The following PCCA variants were observed in gnomAD, a reference collection of about 807,000 sequenced individuals.
The protein encoded by PCCA is propionyl-CoA carboxylase subunit alpha.
In PCCA, 74 loss-of-function variants were observed where a neutral mutation model predicts 101.3. The ratio of observed to expected loss-of-function variants is 0.73; its 90% CI spans 0.61 to 0.89. PCCA has a LOEUF of 0.89. Ranked by LOEUF, PCCA falls within the 40% of genes least tolerant of loss-of-function variation. The probability of loss-of-function intolerance (pLI) is 0.00; values close to 1 mark genes in which losing one functional copy is unlikely to be tolerated. For missense variants in PCCA, 891 were observed against 907.0 expected (o/e 0.98, Z 0.23); for synonymous variants, 294 against 313.6 (o/e 0.94, Z 0.66).
chr13:100,275,233 G>A (rs1279969056), intron 12 of PCCA, among the ~76,000 whole-genome samples: 1 of 152,094 alleles, frequency 6.6e-6, no homozygotes, highest in Non-Finnish European at 1.5e-5. Context: ...GTGTCTTCAT[G>A]CCTGTGCCTC....
intron 1 of PCCA, among the ~76,000 whole-genome samples, chr13:100,098,315 C>A (rs1224126868): frequency 6.6e-6 from 1 of 152,152 alleles, no homozygotes; most frequent in East Asian, 1.9e-4. Context: ...CTAATGAGGT[C>A]TTTTACATTT....
At chr13:100,258,569 C>T (rs980350433) in intron 9 of PCCA, among the ~76,000 whole-genome samples, 5 of 152,144 alleles carry the variant, frequency 3.3e-5, no homozygotes, top group South Asian at 2.1e-4. Context: ...TTTCATTATT[C>T]ATCTTAGGAT....
At position 100,302,990 on chromosome 13, in the gene PCCA, C is replaced by G. The variant is rs372232585; in HGVS notation, c.1276C>G (p.Leu426Val). Reference sequence around the variant, plus strand: ...GTCTCAGTACCAAGAACCGTTACATCTACCTGGTGTAAGTCATTAAGCTGT... The same window carrying G: ...GTCTCAGTACCAAGAACCGTTACATGTACCTGGTGTAAGTCATTAAGCTGT... ...RLSQYQEPLH[L>V]PGVRVDSGIQ... The change falls in exon 14 of 24, where the codon CTA becomes GTA. Residue 426 changes from leucine (L) to valine (V), a missense_variant. Coordinates refer to ENST00000376285, the MANE Select transcript of PCCA (RefSeq NM_000282.4). 2 of 1,577,934 alleles carry G rather than the reference C, an allele frequency of 1.3e-6. No individual in the cohort carries two copies. The highest frequency in any genetic ancestry group is 1.7e-6 in the Non-Finnish European group (2 of 1,147,250).
chr13:100,357,190 G>C (rs2074042713), intron 18 of PCCA, among the ~76,000 whole-genome samples: 1 of 152,142 alleles, frequency 6.6e-6, no homozygotes, highest in Non-Finnish European at 1.5e-5. Context: ...TTAAATGTAT[G>C]ATATGTGAAT....
chr13:100,316,840 C>T (rs1036064854), intron 16 of PCCA, among the ~76,000 whole-genome samples: 1 of 151,580 alleles, frequency 6.6e-6, no homozygotes, highest in African/African-American at 2.4e-5. Flanking sequence ...GTGGCATGAT[C>T]TCGGCTCATT....
chr13:100,465,975 G>A (rs1343512340), intron 21 of PCCA, among the ~76,000 whole-genome samples: 5 of 152,244 alleles, frequency 3.3e-5, no homozygotes, highest in Non-Finnish European at 7.3e-5. Flanking sequence ...ATTGGATCAT[G>A]AACCAGGTCT....
intron 6 of PCCA, chr13:100,198,153 T>C (rs978142638): frequency 5.9e-5 from 9 of 152,248 alleles, no homozygotes; most frequent in African/African-American, 1.9e-4. Context: ...CTCTATTCAT[T>C]TGCTTCTCAT....
chr13:100,524,634 G>C (rs909425460), intron 22 of PCCA, among the ~76,000 whole-genome samples: 1 of 152,186 alleles, frequency 6.6e-6, no homozygotes, highest in Non-Finnish European at 1.5e-5. Flanking sequence ...CACTTTGGGA[G>C]GCCAAGGTGG....
chr13:100,416,190 G>GT (rs1292129478), intron 19 of PCCA, among the ~76,000 whole-genome samples: 1,916 of 144,562 alleles, frequency 0.013, 18 homozygotes, highest in African/African-American at 0.033. Flanking sequence ...ATAAATCATG[G>GT]TTTTTTTTTT....
At chr13:100,287,032 A>T (rs1420044995) in intron 12 of PCCA, among the ~76,000 whole-genome samples, 1 of 152,054 alleles carries the variant, frequency 6.6e-6, no homozygotes, top group African/African-American at 2.4e-5. Flanking sequence ...TCTTCACTTC[A>T]TTTGGAATTC....
Position 100,318,475 on chromosome 13 carries a change from TC to T in PCCA, c.1429+8573del, listed in dbSNP as rs2067632620. On this transcript the variant is annotated intron_variant, in intron 16 of 23. Transcript: ENST00000376285. ...TAGGTATATCTCCTAATGCTATCCC[TC>T]CCCCCTCCCCCCACCCCATGACAGG... Among the ~76,000 whole-genome samples the T allele has an allele frequency of 2.7e-5, 3 of 112,522 alleles. No homozygotes were observed. The Admixed American group carries it at 2.9e-4, about 11-fold the overall frequency. 73.8% of individuals were successfully genotyped at this position (112,522 alleles called of 152,430 possible). A position where few individuals can be genotyped will look rare whatever the true frequency, so the allele number is the denominator to read the frequency against.
chr13:100,131,022 G>A (rs1399884077), intron 4 of PCCA, among the ~76,000 whole-genome samples: 1 of 152,060 alleles, frequency 6.6e-6, no homozygotes, highest in African/African-American at 2.4e-5. Flanking sequence ...GTTATCAAAA[G>A]ATGATGAGAT....
rs77295050 is a variant in PCCA, at chr13:100,157,488, G to T, written c.468+148G>T. On this transcript the variant is annotated intron_variant, in intron 6 of 23. Coordinates refer to ENST00000376285, the MANE Select transcript of PCCA (RefSeq NM_000282.4). ...AATTGTGACAAGTGAAGTGGTTTTAGTCTGAAACTCAACTGTTTATTTGAA... is the reference window on the plus strand; with the variant it reads ...AATTGTGACAAGTGAAGTGGTTTTATTCTGAAACTCAACTGTTTATTTGAA... The T allele has an allele frequency of 5.7e-3, 3,738 of 655,764 alleles. 102 individuals are homozygous for T. The African/African-American group carries it at 0.06, about 10-fold the overall frequency. 40.6% of individuals were successfully genotyped at this position (655,764 alleles called of 1,614,324 possible).
intron 4 of PCCA, among the ~76,000 whole-genome samples, chr13:100,149,894 C>G (rs7984396): frequency 1.3e-5 from 2 of 152,146 alleles, no homozygotes; most frequent in Non-Finnish European, 2.9e-5. Flanking sequence ...TGGCCTAGCA[C>G]TTTTTATCAC....
At chr13:100,398,726 A>T (rs1010488887) in intron 19 of PCCA, among the ~76,000 whole-genome samples, 20 of 152,174 alleles carry the variant, frequency 1.3e-4, no homozygotes, top group Admixed American at 1.0e-3. Context: ...ACTAGATAGA[A>T]TGTGCTACAT....
intron 1 of PCCA, 146 bp downstream of exon 1, chr13:100,089,371 C>T (rs1265476500): frequency 1.5e-5 from 17 of 1,149,334 alleles, no homozygotes; most frequent in Non-Finnish European, 1.8e-5. Flanking sequence ...TTGCTTTCCT[C>T]CCTCCCGGAG....
intron 22 of PCCA, chr13:100,527,162 C>T (rs1249961551): frequency 3.2e-5 from 12 of 373,302 alleles, no homozygotes; most frequent in East Asian, 2.9e-4. Context: ...AGCCCTTTAA[C>T]GTGTACGATT....
intron 4 of PCCA, among the ~76,000 whole-genome samples, chr13:100,146,557 A>G (rs2052590667): frequency 6.6e-6 from 1 of 151,044 alleles, no homozygotes; most frequent in African/African-American, 2.5e-5. Flanking sequence ...CCTAGGCAAC[A>G]GAGTGAGACT....
At chr13:100,343,943 C>T (rs1018312925) in intron 18 of PCCA, among the ~76,000 whole-genome samples, 4 of 152,258 alleles carry the variant, frequency 2.6e-5, no homozygotes, top group South Asian at 2.1e-4. Flanking sequence ...GGCTTGGTGG[C>T]GCATGCCTGT....
Sources: allele counts gnomAD v4.1 joint callset (sites outside exome capture counted in the v4.1 genomes callset), GRCh38; gene constraint gnomAD v4.1.1; transcripts MANE v1.5; gene names NCBI Gene and HGNC (gene_info 2026-07-23, HGNC 2026-07-21).